Variants in LIMCH1 observed in about 807,000 individuals in gnomAD.
The protein encoded by LIMCH1 is LIM and calponin homology domains-containing protein 1.
LIMCH1 carries 113 observed loss-of-function variants against 176.5 expected under a neutral mutation model. That is an observed-to-expected ratio of 0.64 (90% CI 0.55 to 0.75). LIMCH1 has a LOEUF of 0.75. Ranked by LOEUF, LIMCH1 falls within the 30% of genes least tolerant of loss-of-function variation. The pLI is 0.00. For synonymous variants in LIMCH1, 619 were observed against 645.9 expected (o/e 0.96, Z 0.63); for missense variants, 1,674 against 1,814.9 (o/e 0.92, Z 1.41).
At chr4:41,471,027 C>CTTT (rs34026751) in intron 1 of LIMCH1, among the ~76,000 whole-genome samples, 17,811 of 131,084 alleles carry the variant, frequency 0.14, 1,235 homozygotes, top group Middle Eastern at 0.23. Flanking sequence ...CAAACTAAGA[C>CTTT]TTTTTTTTTT....
At position 41,467,463 on chromosome 4, in the gene LIMCH1, G is replaced by A. The variant is rs531037795; in HGVS notation, c.97-27073G>A. On this transcript the variant is annotated intron_variant, in intron 1 of 26. Transcript: ENST00000313860. Reference sequence around the variant, plus strand: ...CTCACAATCATGGCAGAAGGTGAATGAGGATCAAAGTCACATCTTAAAGGC... The same window carrying A: ...CTCACAATCATGGCAGAAGGTGAATAAGGATCAAAGTCACATCTTAAAGGC... 2.6e-5 allele frequency among the ~76,000 whole-genome samples: 4 copies of A among 152,330 alleles called. No individual in the cohort carries two copies. In the East Asian group the frequency reaches 7.7e-4, roughly 29 times the overall value.
At chr4:41,437,021 ATCT>A (rs923353452) in intron 1 of LIMCH1, among the ~76,000 whole-genome samples, 1 of 152,166 alleles carries the variant, frequency 6.6e-6, no homozygotes, top group Non-Finnish European at 1.5e-5. Context: ...TGACACACAA[ATCT>A]TCTTTTAAGA....
At chr4:41,532,766 T>C (rs563364850) in intron 3 of LIMCH1, among the ~76,000 whole-genome samples, 1 of 152,248 alleles carries the variant, frequency 6.6e-6, no homozygotes, top group Admixed American at 6.5e-5. Flanking sequence ...TTCACTCATC[T>C]TGTGATTATT....
At chr4:41,543,075 A>C (rs1197356625) in intron 1 of LIMCH1, among the ~76,000 whole-genome samples, 1 of 152,198 alleles carries the variant, frequency 6.6e-6, no homozygotes, top group Non-Finnish European at 1.5e-5. Flanking sequence ...TTGCACAAAC[A>C]TGCGGTTTGT....
At position 41,680,048 on chromosome 4, in the gene LIMCH1, GA is replaced by G. The variant is rs773592947; in HGVS notation, c.3566del (p.Lys1189ArgfsTer20). On this transcript the variant is annotated frameshift_variant, in exon 24 of 32. Transcript: ENST00000503057. LOFTEE classifies it high-confidence loss of function. The stretch of plus-strand genomic sequence containing the variant: ...GCAGGACAAGCTGAAAGAAGAGTGG[GA>G]AAAGGCCCAAAAGGAGGTGGAAGAG... ...KEQDKLKEEW[E>X]KAQKEVEEEE... 2.5e-6 allele frequency: 4 copies of G among 1,610,832 alleles called. No homozygotes were observed. The highest frequency in any genetic ancestry group is 1.7e-5 in the Admixed American group (1 of 59,610).
intron 1 of LIMCH1, among the ~76,000 whole-genome samples, chr4:41,463,136 T>C (rs1221177792): frequency 6.6e-6 from 1 of 151,406 alleles, no homozygotes; most frequent in Non-Finnish European, 1.5e-5. Context: ...CCAGAGGGAG[T>C]TACACACGTA....
chr4:41,554,517 C>G (rs982244213), intron 1 of LIMCH1, among the ~76,000 whole-genome samples: 13 of 152,212 alleles, frequency 8.5e-5, no homozygotes, highest in African/African-American at 2.4e-4. Context: ...TGTGGTCTAA[C>G]CAGTAAAAAC....
chr4:41,494,551 A>C (rs762296496), exon 2 of LIMCH1: 1 of 1,613,170 alleles, frequency 6.2e-7, no homozygotes, highest in Non-Finnish European at 8.5e-7. Context: ...AACTGGCAGA[A>C]GTTTTGGTGA....
intron 1 of LIMCH1, among the ~76,000 whole-genome samples, chr4:41,448,132 C>T (rs1419712405): frequency 6.6e-6 from 1 of 152,170 alleles, no homozygotes; most frequent in Non-Finnish European, 1.5e-5. Flanking sequence ...GTAGAAAATG[C>T]AGAGTAGAAT....
At chr4:41,684,619 T>C in intron 27 of LIMCH1, 101 bp downstream of exon 27, 1 of 1,358,906 alleles carries the variant, frequency 7.4e-7, no homozygotes, top group Non-Finnish European at 1.0e-6. Context: ...GGCTTCTCTC[T>C]AAGGGCCCTG....
At chr4:41,402,945 G>A (rs1415742919) in intron 1 of LIMCH1, among the ~76,000 whole-genome samples, 1 of 150,388 alleles carries the variant, frequency 6.6e-6, no homozygotes, top group Non-Finnish European at 1.5e-5. Flanking sequence ...CCTGCACATT[G>A]TGCACATGTA....
chr4:41,378,839 G>T (rs1266890700), intron 1 of LIMCH1, among the ~76,000 whole-genome samples: 2 of 152,146 alleles, frequency 1.3e-5, no homozygotes, highest in African/African-American at 4.8e-5. Flanking sequence ...TTTAAGGATG[G>T]GAGAGACTTG....
At chr4:41,471,713 A>G (rs1206319400) in intron 1 of LIMCH1, among the ~76,000 whole-genome samples, 2 of 152,194 alleles carry the variant, frequency 1.3e-5, no homozygotes, top group East Asian at 1.9e-4. Context: ...GTGTTCCTCA[A>G]TTCAGTTTCA....
At chr4:41,370,883 ATGG>A (rs1391508417) in intron 1 of LIMCH1, among the ~76,000 whole-genome samples, 2 of 152,144 alleles carry the variant, frequency 1.3e-5, no homozygotes, top group Non-Finnish European at 2.9e-5. Flanking sequence ...AGCACTGTTT[ATGG>A]CCGTTTTACA....
At chr4:41,682,519 G>T (rs75825933) in intron 26 of LIMCH1, 59 bp downstream of exon 26, 10 of 1,557,498 alleles carry the variant, frequency 6.4e-6, no homozygotes, top group Non-Finnish European at 8.7e-6. Context: ...GCTCGTGCAC[G>T]CTCAGGAAGG....
At chr4:41,424,414 A>G (rs2060891371) in intron 1 of LIMCH1, among the ~76,000 whole-genome samples, 1 of 152,248 alleles carries the variant, frequency 6.6e-6, no homozygotes, top group African/African-American at 2.4e-5. Flanking sequence ...GGCTGCTTAA[A>G]GTAATCTTAC....
intron 7 of LIMCH1, 103 bp from the exon 8 acceptor site, chr4:41,626,605 C>A: frequency 2.2e-6 from 2 of 918,280 alleles, no homozygotes; most frequent in South Asian, 1.7e-5. Flanking sequence ...CTAACAATAT[C>A]GAGAAGACTT....
At chr4:41,495,208 T>G (rs768357833) in intron 2 of LIMCH1, among the ~76,000 whole-genome samples, 2 of 152,226 alleles carry the variant, frequency 1.3e-5, no homozygotes, top group Non-Finnish European at 2.9e-5. Flanking sequence ...AGACATATAT[T>G]TCAAGATTTA....
chr4:41,555,669 T>C (rs542377672), intron 1 of LIMCH1, among the ~76,000 whole-genome samples: 4 of 152,298 alleles, frequency 2.6e-5, no homozygotes, highest in Admixed American at 2.0e-4. Flanking sequence ...ACAAGAATTT[T>C]TTTTTCTTAT....
Sources: gnomAD v4.1 joint callset for allele counts (sites outside exome capture counted in the v4.1 genomes callset) on GRCh38, gnomAD v4.1.1 for gene constraint, MANE v1.5 for transcripts, NCBI Gene and HGNC (gene_info 2026-07-23, HGNC 2026-07-21) for gene names.